Variants in UBOX5 observed in about 807,000 individuals in gnomAD.
The protein encoded by UBOX5 is U-box domain containing 5.
A neutral mutation model predicts 39.0 loss-of-function variants in UBOX5; 28 were observed. The observed-to-expected ratio is 0.72, with a 90% CI of 0.53 to 0.98. UBOX5 has a LOEUF of 0.98. UBOX5 is among the 50% of genes least tolerant of loss of function. The pLI is 0.00. For missense variants in UBOX5, 585 were observed against 674.4 expected (o/e 0.87, Z 1.47); for synonymous variants, 283 against 275.5 (o/e 1.03, Z -0.27).
At position 3,143,748 on chromosome 20, in the gene UBOX5, G is replaced by A. The variant is rs932002419; in HGVS notation, c.-42+16018C>T. 5.3e-5 allele frequency among the ~76,000 whole-genome samples: 8 copies of A among 152,168 alleles called. No homozygotes were observed. The South Asian group carries it at 6.2e-4, about 12-fold the overall frequency. The stretch of plus-strand genomic sequence containing the variant: ...GCGGAGCTTGCAGTGAGTCGAGATC[G>A]CACCACTGCACTCCAGCTGGGTGAC... On this transcript the variant is annotated intron_variant, in intron 1 of 4. Transcript: ENST00000217173.
intron 1 of UBOX5, among the ~76,000 whole-genome samples, chr20:3,130,997 C>T (rs145068122): frequency 0.02 from 2,994 of 151,838 alleles, 115 homozygotes; most frequent in African/African-American, 0.068. Flanking sequence ...TTTGGGAGGC[C>T]GAGGCGGGCA....
chr20:3,125,651 G>A (rs368018321), intron 1 of UBOX5, among the ~76,000 whole-genome samples: 8 of 120,056 alleles, frequency 6.7e-5, no homozygotes, highest in South Asian at 3.0e-4. Flanking sequence ...CGGCCACCCC[G>A]TCTGAGAAGT....
At position 3,153,612 on chromosome 20, in the gene UBOX5, G is replaced by A. The variant is rs117445423; in HGVS notation, c.-42+6154C>T. 2.0e-5 allele frequency among the ~76,000 whole-genome samples: 3 copies of A among 152,294 alleles called. No homozygotes were observed. The East Asian group carries it at 5.8e-4, about 29-fold the overall frequency. ...AGAAAACAGGTTCGGGGGGCAGTACGGGGTGGGATGGCTGAACAATCTATG... is the reference window on the plus strand; with the variant it reads ...AGAAAACAGGTTCGGGGGGCAGTACAGGGTGGGATGGCTGAACAATCTATG... On this transcript the variant is annotated intron_variant, in intron 1 of 4. Transcript: ENST00000217173.
Position 3,112,336 on chromosome 20 carries a change from G to A in UBOX5, c.1418-2022C>T, listed in dbSNP as rs549219367. Among the ~76,000 whole-genome samples the A allele has an allele frequency of 5.3e-5, 8 of 151,592 alleles. No individual in the cohort carries two copies. In the East Asian group the frequency reaches 1.5e-3, roughly 29 times the overall value. On this transcript the variant is annotated intron_variant, in intron 4 of 4. Transcript: ENST00000217173. ...GCACACCTGGCACAACACCACAGAA[G>A]CATGCAAGGGCCCCAATTGCCCCCA... is the stretch of plus-strand genomic sequence containing the variant.
chr20:3,151,526 G>A (rs2066624761), intron 1 of UBOX5, among the ~76,000 whole-genome samples: 1 of 152,120 alleles, frequency 6.6e-6, no homozygotes, highest in South Asian at 2.1e-4. Context: ...ACTTGGCCAC[G>A]CCTATAATCC....
Position 3,116,727 on chromosome 20 carries a change from G to A in UBOX5, c.1256-1261C>T, listed in dbSNP as rs188776951. The stretch of plus-strand genomic sequence containing the variant: ...GAAATAAACGTTAAGCATAGTATTT[G>A]CATAGTCTTTTAGAAGAACATAGGA... On this transcript the variant is annotated intron_variant, in intron 3 of 4. Transcript: ENST00000217173. 5.3e-5 allele frequency: 8 copies of A among 152,282 alleles called. No homozygotes were observed. The East Asian group carries it at 1.5e-3, about 29-fold the overall frequency. The allele number at this position is 152,282 out of a possible 1,614,324, so 9.4% of individuals were successfully genotyped here.
intron 4 of UBOX5, among the ~76,000 whole-genome samples, chr20:3,114,286 G>A (rs949907319): frequency 1.3e-5 from 2 of 152,044 alleles, no homozygotes; most frequent in Non-Finnish European, 2.9e-5. Context: ...GAGAGTCCAG[G>A]GCCAGAGCTG....
At chr20:3,111,039 C>G (rs376454575) in intron 4 of UBOX5, among the ~76,000 whole-genome samples, 1 of 152,198 alleles carries the variant, frequency 6.6e-6, no homozygotes, top group Non-Finnish European at 1.5e-5. Context: ...CTCAGTCCCC[C>G]TCCTGTGCTG....
chr20:3,159,825 A>T lies in UBOX5; in HGVS notation c.-101T>A, dbSNP rs1420329979. 1.3e-5 allele frequency: 2 copies of T among 152,278 alleles called. No homozygotes were observed. Among genetic ancestry groups the T allele is most frequent in the African/African-American group, 2.4e-5 (1 of 41,480 alleles). The allele number at this position is 152,278 out of a possible 1,614,324, so 9.4% of individuals were successfully genotyped here. ...ACCGGGGACGCCGCGGGCGGCGGCG[A>T]CACAGATACTGGCTCCTCCGGCGAC... On this transcript the variant is annotated 5_prime_UTR_variant, in exon 1 of 5. Transcript: ENST00000217173.
Position 3,119,236 on chromosome 20 carries a change from C to T in UBOX5, c.1255+2148G>A, listed in dbSNP as rs116554569. 4.9e-3 allele frequency among the ~76,000 whole-genome samples: 747 copies of T among 152,302 alleles called. 5 individuals are homozygous for T. Among genetic ancestry groups the T allele is most frequent in the African/African-American group, 0.017 (711 of 41,560 alleles). On this transcript the variant is annotated intron_variant, in intron 3 of 4. Coordinates refer to ENST00000217173, the MANE Select transcript of UBOX5 (RefSeq NM_014948.4). ...TGGAGAGGCCCACAAGGCAAGGAACCGAGGGCAGCCTTGGGCCAACAGCCA... is the reference window on the plus strand; with the variant it reads ...TGGAGAGGCCCACAAGGCAAGGAACTGAGGGCAGCCTTGGGCCAACAGCCA...
rs1354369653 is a variant in UBOX5 at position 3,109,873 on chromosome 20, G to GGGTGGCAGGGAGGCAGGGAC, written c.*213_*232dup. 142 of 589,104 alleles carry GGGTGGCAGGGAGGCAGGGAC rather than the reference G, an allele frequency of 2.4e-4. 1 individual carries two copies. The highest frequency in any genetic ancestry group is 4.8e-4 in the Admixed American group (16 of 33,296). 36.5% of individuals were successfully genotyped at this position (589,104 alleles called of 1,614,324 possible). A position where few individuals can be genotyped will look rare whatever the true frequency, so the allele number is the denominator to read the frequency against. Reference sequence around the variant, plus strand: ...AGTGGGTCCTGGGCTCAGGCAGGGGGGGTGGCAGGGAGGCAGGGACATCCC... The same window carrying GGGTGGCAGGGAGGCAGGGAC: ...AGTGGGTCCTGGGCTCAGGCAGGGGGGGTGGCAGGGAGGCAGGGACGGTGGCAGGGAGGCAGGGACATCCC... On this transcript the variant is annotated 3_prime_UTR_variant, in exon 5 of 5. Transcript: ENST00000217173.
chr20:3,110,329 A>G lies in UBOX5; in HGVS notation c.1418-15T>C. The G allele has an allele frequency of 6.2e-7, 1 of 1,613,826 alleles. No homozygotes were observed. Among genetic ancestry groups the G allele is most frequent in the Non-Finnish European group, 8.5e-7 (1 of 1,179,854 alleles). ...CCCAGGCTGCTCTGGTAAATCAGGA[A>G]GGAAAACAGGCCAGGGTTAGGAAAG... On this transcript the variant is annotated splice_polypyrimidine_tract_variant and intron_variant, in intron 4 of 4. Transcript: ENST00000217173.
In UBOX5 at chr20:3,146,828, C is replaced by A. The variant is rs376790179; in HGVS notation, c.-42+12938G>T. The stretch of plus-strand genomic sequence containing the variant: ...ATGAAGAAACGCCAACTTTTCTAAG[C>A]GAGTTCGTTTCAGTAGTGGGAGCCA... On this transcript the variant is annotated intron_variant, in intron 1 of 4. Coordinates refer to ENST00000217173, the MANE Select transcript of UBOX5 (RefSeq NM_014948.4). 1.2e-5 allele frequency: 19 copies of A among 1,613,986 alleles called. No individual in the cohort carries two copies. In the African/African-American group the frequency reaches 1.6e-4, roughly 14 times the overall value.
intron 2 of UBOX5, 58 bp from the exon 3 acceptor site, chr20:3,122,642 G>A (rs1448484015): frequency 2.0e-5 from 30 of 1,507,468 alleles, no homozygotes; most frequent in Non-Finnish European, 2.6e-6. Context: ...CTTGTCACTT[G>A]TAAGAAAACT....
At position 3,109,551 on chromosome 20, in the gene UBOX5, G is replaced by C; in HGVS notation, c.*555C>G. 1.3e-5 allele frequency: 2 copies of C among 159,326 alleles called. No individual in the cohort carries two copies. Among genetic ancestry groups the C allele is most frequent in the South Asian group, 1.8e-4 (1 of 5,406 alleles). The allele number at this position is 159,326 out of a possible 1,614,324, so 9.9% of individuals were successfully genotyped here. A position where few individuals can be genotyped will look rare whatever the true frequency, so the allele number is the denominator to read the frequency against. On this transcript the variant is annotated 3_prime_UTR_variant, in exon 5 of 5. Coordinates refer to ENST00000217173, the MANE Select transcript of UBOX5 (RefSeq NM_014948.4). ...CCCTGTGAGCTCCACTTGTGTGGGT[G>C]CAGGTGGGCGACAGGAGTGTGTGAC...
At chr20:3,146,069 C>T (rs990296861) in intron 1 of UBOX5, among the ~76,000 whole-genome samples, 3 of 150,644 alleles carry the variant, frequency 2.0e-5, no homozygotes, top group African/African-American at 4.9e-5. Context: ...AGGCCAGACG[C>T]GGTGGCTCAC....
chr20:3,150,968 C>A (rs2148623484), intron 1 of UBOX5: 1 of 152,278 alleles, frequency 6.6e-6, no homozygotes, highest in East Asian at 1.9e-4. Context: ...TTTGACCTCC[C>A]ACTTCAAGCA....
intron 1 of UBOX5, among the ~76,000 whole-genome samples, chr20:3,143,756 G>A (rs2066537875): frequency 6.6e-6 from 1 of 152,148 alleles, no homozygotes; most frequent in African/African-American, 2.4e-5. Flanking sequence ...TCGCACCACT[G>A]CACTCCAGCT....
At chr20:3,112,035 A>G (rs1023610533) in intron 4 of UBOX5, among the ~76,000 whole-genome samples, 1 of 152,024 alleles carries the variant, frequency 6.6e-6, no homozygotes, top group African/African-American at 2.4e-5. Flanking sequence ...TCTTTGGGCC[A>G]AACATTAAGC....
Sources: gnomAD v4.1 joint callset for allele counts (sites outside exome capture counted in the v4.1 genomes callset) on GRCh38, gnomAD v4.1.1 for gene constraint, MANE v1.5 for transcripts, NCBI Gene and HGNC (gene_info 2026-07-23, HGNC 2026-07-21) for gene names.